Variants in NRDC observed in about 807,000 individuals in gnomAD.
NRDC encodes nardilysin convertase, also known as nardilysin.
NRDC carries 54 observed loss-of-function variants against 147.1 expected under a neutral mutation model. The observed-to-expected ratio is 0.37, with a 90% confidence interval of 0.29 to 0.46. The LOEUF (loss-of-function observed/expected upper bound fraction) is 0.46. NRDC is among the 20% of genes least tolerant of loss of function. NRDC has a pLI of 1.00. For synonymous variants in NRDC, 440 were observed against 482.1 expected (o/e 0.91, Z 1.14); for missense variants, 1,082 against 1,370.6 (o/e 0.79, Z 3.33).
At chr1:51,851,703 A>G (rs2149235532) in intron 1 of NRDC, among the ~76,000 whole-genome samples, 1 of 152,314 alleles carries the variant, frequency 6.6e-6, no homozygotes, top group Non-Finnish European at 1.5e-5. Flanking sequence ...TTTACAAAAA[A>G]AAGTTATTTT....
intron 18 of NRDC, among the ~76,000 whole-genome samples, chr1:51,806,067 G>A (rs1404091146): frequency 6.6e-6 from 1 of 152,124 alleles, no homozygotes; most frequent in Non-Finnish European, 1.5e-5. Context: ...TGACATACAA[G>A]AGCACCCAGC....
chr1:51,874,744 AG>A (rs1331726743), intron 1 of NRDC, among the ~76,000 whole-genome samples: 2 of 152,212 alleles, frequency 1.3e-5, no homozygotes, highest in Non-Finnish European at 2.9e-5. Flanking sequence ...CCAGAAGGGA[AG>A]GGAATCAATA....
chr1:51,810,491 C>A, intron 15 of NRDC, 87 bp from the exon 16 acceptor site: 1 of 1,154,154 alleles, frequency 8.7e-7, no homozygotes, highest in South Asian at 1.6e-5. Flanking sequence ...CATTGTTAGG[C>A]ACCTCCAAGA....
intron 1 of NRDC, among the ~76,000 whole-genome samples, chr1:51,874,788 A>G (rs1438852553): frequency 6.6e-6 from 1 of 152,196 alleles, no homozygotes; most frequent in Admixed American, 6.5e-5. Flanking sequence ...TCCCTAAAAA[A>G]GCATAATAGG....
chr1:51,840,116 A>C, intron 2 of NRDC, 110 bp downstream of exon 2: 4 of 846,454 alleles, frequency 4.7e-6, no homozygotes, highest in Non-Finnish European at 7.5e-6. Flanking sequence ...ACCTTTACTG[A>C]AGACCAAAAG....
intron 1 of NRDC, among the ~76,000 whole-genome samples, chr1:51,854,625 G>C (rs1682144793): frequency 6.6e-6 from 1 of 152,136 alleles, no homozygotes; most frequent in Non-Finnish European, 1.5e-5. Context: ...GCAGGTAACA[G>C]TAACAACAGC....
chr1:51,800,149 A>AT (rs1440096796), intron 21 of NRDC, among the ~76,000 whole-genome samples: 3 of 151,926 alleles, frequency 2.0e-5, no homozygotes, highest in African/African-American at 7.3e-5. Context: ...TAATTTTTTA[A>AT]TTTTTTGTAG....
intron 1 of NRDC, 148 bp from the exon 2 acceptor site, chr1:51,840,662 G>C (rs1681225482): frequency 3.2e-6 from 2 of 620,626 alleles, no homozygotes; most frequent in South Asian, 4.7e-5. Flanking sequence ...AATAAAATTG[G>C]TTGCTCTGGA....
Position 51,878,335 on chromosome 1 carries a change from G to A in NRDC, c.281C>T (p.Ser94Phe). The change falls in exon 1 of 31, where the codon TCT becomes TTT. Residue 94 changes from serine to phenylalanine, a missense_variant. Coordinates refer to ENST00000352171, the MANE Select transcript of NRDC (RefSeq NM_001101662.2). ...CTCAGGGTCCCCAGCATTACTGAGA[G>A]ACCCCCTCCGTCCCTCTTCCTCAGA... ...DESEEEGRRG[S>F]LSNAGDPEIV... 6.2e-7 allele frequency: 1 copy of A among 1,614,148 alleles called. No individual in the cohort carries two copies. Among genetic ancestry groups the A allele is most frequent in the Non-Finnish European group, 8.5e-7 (1 of 1,180,030 alleles).
chr1:51,800,793 T>C (rs1679157344), intron 20 of NRDC, 110 bp from the exon 21 acceptor site: 14 of 1,046,078 alleles, frequency 1.3e-5, no homozygotes, highest in Non-Finnish European at 1.8e-5. Context: ...GAACTAGGCA[T>C]TGTGGGGGGA....
At position 51,808,754 on chromosome 1, in the gene NRDC, G is replaced by A. The variant is rs933682834; in HGVS notation, c.1990+561C>T. Among the ~76,000 whole-genome samples, 5 of 152,234 alleles carry A rather than the reference G, an allele frequency of 3.3e-5. No individual in the cohort carries two copies. In the East Asian group the frequency reaches 9.6e-4, roughly 29 times the overall value. The stretch of plus-strand genomic sequence containing the variant: ...TGGTAGCTTTCAATGATTTTTTTCT[G>A]CAACTCACTTAGAAATATGTTTTCC... On this transcript the variant is annotated intron_variant, in intron 17 of 30. Coordinates refer to ENST00000352171, the MANE Select transcript of NRDC (RefSeq NM_001101662.2).
chr1:51,870,765 T>G (rs1294100653), intron 1 of NRDC, among the ~76,000 whole-genome samples: 1 of 152,098 alleles, frequency 6.6e-6, no homozygotes, highest in Non-Finnish European at 1.5e-5. Flanking sequence ...CTATTATTAT[T>G]ATGAATACAG....
intron 24 of NRDC, among the ~76,000 whole-genome samples, chr1:51,793,162 A>C (rs1432973710): frequency 6.6e-6 from 1 of 152,222 alleles, no homozygotes; most frequent in Non-Finnish European, 1.5e-5. Context: ...ATGCTCTCTG[A>C]GAAAGGATAT....
intron 1 of NRDC, among the ~76,000 whole-genome samples, chr1:51,877,761 T>C (rs754410944): frequency 7.2e-5 from 11 of 152,180 alleles, no homozygotes; most frequent in Non-Finnish European, 1.6e-4. Flanking sequence ...GAACTACCCA[T>C]GGAAACAAGT....
At chr1:51,799,340 T>C in intron 21 of NRDC, among the ~76,000 whole-genome samples, 1 of 150,938 alleles carries the variant, frequency 6.6e-6, no homozygotes, top group South Asian at 2.1e-4. Context: ...ACACTATCCC[T>C]CCCCCAGCAC....
At chr1:51,823,631 A>C in intron 7 of NRDC, 33 bp downstream of exon 7, 1 of 1,568,392 alleles carries the variant, frequency 6.4e-7, no homozygotes, top group Non-Finnish European at 8.7e-7. Context: ...GCGCTACTTC[A>C]AGGTAACTCT....
rs1557947109 is a variant in NRDC, at chr1:51,878,574, C to G, written c.42G>C (p.Arg14=). 1 of 1,613,240 alleles carries G rather than the reference C, an allele frequency of 6.2e-7. No individual in the cohort carries two copies. The highest frequency in any genetic ancestry group is 1.7e-5 in the Admixed American group (1 of 59,844). Residue 14 remains arginine, a synonymous_variant, in exon 1 of 31, where the codon CGG becomes CGC. Transcript: ENST00000352171. ...RVTVAAVCAT[R]RKLCEAGREL... ...CCCGCCCGGCCTCACACAACTTCCT[C>G]CGGGTGGCACAGACTGCAGCAACAG...
intron 21 of NRDC, 32 bp from the exon 22 acceptor site, chr1:51,798,443 G>C: frequency 6.5e-7 from 1 of 1,536,932 alleles, no homozygotes. Flanking sequence ...AACACTCAAA[G>C]TTTTGTTATT....
intron 7 of NRDC, among the ~76,000 whole-genome samples, chr1:51,822,813 A>G (rs1048512770): frequency 6.6e-6 from 1 of 152,240 alleles, no homozygotes; most frequent in Non-Finnish European, 1.5e-5. Context: ...TTTACCTTCA[A>G]GTCAACTTTA....
Sources: allele counts gnomAD v4.1 joint callset (sites outside exome capture counted in the v4.1 genomes callset), GRCh38; gene constraint gnomAD v4.1.1; transcripts MANE v1.5; gene names NCBI Gene and HGNC (gene_info 2026-07-23, HGNC 2026-07-21).